ABR: variants seen among roughly 807,000 people sequenced by gnomAD.
The protein encoded by ABR is ABR activator of RhoGEF and GTPase.
Under a neutral mutation model 107.2 loss-of-function variants are expected in ABR, and 35 were observed. The ratio of observed to expected loss-of-function variants is 0.33; its 90% confidence interval spans 0.25 to 0.43. The LOEUF is 0.43. Ranked by LOEUF, ABR falls within the 20% of genes least tolerant of loss-of-function variation. The pLI, the probability that ABR is intolerant of heterozygous loss-of-function variation, is 1.00. For synonymous variants in ABR, 498 were observed against 462.0 expected (o/e 1.08, Z -1.00); for missense variants, 815 against 1,115.2 (o/e 0.73, Z 3.83).
chr17:1,110,614 C>T (rs565989808), intron 2 of ABR, among the ~76,000 whole-genome samples: 2 of 152,352 alleles, frequency 1.3e-5, no homozygotes, highest in African/African-American at 2.4e-5. Context: ...CACAGCCCCC[C>T]ACTCCCCCCA....
rs529986732 is a variant in ABR at position 1,051,843 on chromosome 17, G to C, written c.1562-1209C>G. Among the ~76,000 whole-genome samples, 1 of 152,334 alleles carries C rather than the reference G, an allele frequency of 6.6e-6. No homozygotes were observed. The highest frequency in any genetic ancestry group is 2.1e-4 in the South Asian group (1 of 4,834). ...AATCCCAGCACTTTGGGAGGCCAAG[G>C]TGGGCAGATCACCTGAGGTCAGGAG... is the stretch of plus-strand genomic sequence containing the variant. On this transcript the variant is annotated intron_variant, in intron 14 of 22. Coordinates refer to ENST00000302538, the MANE Select transcript of ABR (RefSeq NM_021962.5). The surrounding 1 kb of genome is among the most constrained non-coding windows in gnomAD (Gnocchi z 4.3).
At chr17:1,141,360 C>T (rs2040277100) in intron 1 of ABR, among the ~76,000 whole-genome samples, 1 of 152,178 alleles carries the variant, frequency 6.6e-6, no homozygotes, top group South Asian at 2.1e-4. Flanking sequence ...TGGAATCACA[C>T]TCGGGTTCCA....
rs143637330 is a variant in ABR at position 1,173,758 on chromosome 17, G to T, written c.61+5909C>A. ...CCTATGGAGGGCCTGTGCGGGAGCC[G>T]CTGTGGGAGGCGCTGCCTCAGAGCT... On this transcript the variant is annotated intron_variant, in intron 1 of 22. Coordinates refer to ENST00000302538, the MANE Select transcript of ABR (RefSeq NM_021962.5). Among the ~76,000 whole-genome samples the T allele has an allele frequency of 7.2e-3, 1,102 of 152,254 alleles. 7 individuals are homozygous for T. The highest frequency in any genetic ancestry group is 0.012 in the Non-Finnish European group (808 of 68,000).
In ABR at chr17:1,025,164, CG is replaced by C. The variant is rs1327101321; in HGVS notation, c.1792-12001del. On this transcript the variant is annotated intron_variant, in intron 16 of 22. Transcript: ENST00000302538. ...TACAAAACTTGGCCGGGCGTGGTGG[CG>C]GGCACCTGTAATCCCAGCTACTCAG... Among the ~76,000 whole-genome samples the C allele has an allele frequency of 3.4e-5, 5 of 145,298 alleles. No homozygotes were observed. The East Asian group carries it at 1.0e-3, about 30-fold the overall frequency.
Position 1,079,320 on chromosome 17 carries a change from C to T in ABR, c.700+10G>A, listed in dbSNP as rs1248526914. 1 of 1,612,780 alleles carries T rather than the reference C, an allele frequency of 6.2e-7. No individual in the cohort carries two copies. The highest frequency in any genetic ancestry group is 8.5e-7 in the Non-Finnish European group (1 of 1,179,384). Reference sequence around the variant, plus strand: ...TAGGTGCCTGTAATCCAGCCCGCTCCCCGAGGTACCTTCCATGGTGACAGA... The same window carrying T: ...TAGGTGCCTGTAATCCAGCCCGCTCTCCGAGGTACCTTCCATGGTGACAGA... On this transcript the variant is annotated intron_variant, in intron 6 of 22. Transcript: ENST00000302538.
At position 1,224,714 on chromosome 17, in the gene ABR, A is replaced by T. The variant is rs558642955; in HGVS notation, c.838+4079T>A. Among the ~76,000 whole-genome samples, 15 of 152,276 alleles carry T rather than the reference A, an allele frequency of 9.9e-5. No homozygotes were observed. In the South Asian group the frequency reaches 3.1e-3, roughly 32 times the overall value. On this transcript the variant is annotated intron_variant, in intron 1 of 22. Coordinates refer to the ABR transcript ENST00000574139. ...TTTAGAGACAGGGACTCGCTCTGTC[A>T]CCCAGGCTGGAGTGCAGTGGCACAA...
chr17:1,096,556 T>A lies in ABR; in HGVS notation c.345+4081A>T, dbSNP rs546772699. Among the ~76,000 whole-genome samples, 4 of 152,198 alleles carry A rather than the reference T, an allele frequency of 2.6e-5. No individual in the cohort carries two copies. The East Asian group carries it at 7.7e-4, about 29-fold the overall frequency. Reference sequence around the variant, plus strand: ...CTTCTGAGGCTGTGGCTGTGGAGGGTCCTACTCCTCTTCCTGAGCCCTCCT... The same window carrying A: ...CTTCTGAGGCTGTGGCTGTGGAGGGACCTACTCCTCTTCCTGAGCCCTCCT... On this transcript the variant is annotated intron_variant, in intron 3 of 22. Transcript: ENST00000302538.
intron 1 of ABR, among the ~76,000 whole-genome samples, chr17:1,218,838 T>C (rs1262845441): frequency 3.3e-5 from 5 of 152,184 alleles, no homozygotes; most frequent in Non-Finnish European, 2.9e-5. Context: ...AAAACTGCAG[T>C]GTACTTCTAG....
intron 14 of ABR, 117 bp downstream of exon 14, chr17:1,055,918 T>C (rs976568048): frequency 3.2e-6 from 3 of 950,142 alleles, no homozygotes; most frequent in Non-Finnish European, 5.0e-6. Flanking sequence ...GGAGCTGGTT[T>C]CTGGCCTCCA....
chr17:1,116,559 G>A (rs1305199425), intron 2 of ABR, among the ~76,000 whole-genome samples: 1 of 152,204 alleles, frequency 6.6e-6, no homozygotes, highest in African/African-American at 2.4e-5. Flanking sequence ...ACAGTATGCA[G>A]AGGTGAGCAA....
chr17:1,094,077 C>T (rs545471065), intron 3 of ABR, among the ~76,000 whole-genome samples: 5 of 151,950 alleles, frequency 3.3e-5, no homozygotes, highest in South Asian at 2.1e-4. Context: ...TGACCCTCAC[C>T]GTCCTAGAAC....
rs1250845604 is a variant in ABR at position 1,067,722 on chromosome 17, C to T, written c.1017-480G>A. On this transcript the variant is annotated intron_variant, in intron 9 of 22. Coordinates refer to ENST00000302538, the MANE Select transcript of ABR (RefSeq NM_021962.5). ...TGGGTGGAGGATTACAAAGCCACATCCAAGTCTAGCAAGAAAGTGTGCCCT... is the reference window on the plus strand; with the variant it reads ...TGGGTGGAGGATTACAAAGCCACATTCAAGTCTAGCAAGAAAGTGTGCCCT... Among the ~76,000 whole-genome samples the T allele has an allele frequency of 2.0e-5, 3 of 152,158 alleles. No homozygotes were observed. In the East Asian group the frequency reaches 5.8e-4, roughly 29 times the overall value.
chr17:1,103,961 C>T (rs1379299281), intron 2 of ABR, among the ~76,000 whole-genome samples: 1 of 152,098 alleles, frequency 6.6e-6, no homozygotes, highest in Non-Finnish European at 1.5e-5. Flanking sequence ...CTTTGCAGGG[C>T]GTCTCTTGTC....
At chr17:1,069,158 T>C (rs950174688) in intron 9 of ABR, among the ~76,000 whole-genome samples, 3 of 152,030 alleles carry the variant, frequency 2.0e-5, no homozygotes, top group Non-Finnish European at 2.9e-5. Flanking sequence ...GAGCCCCAAA[T>C]TGGGCATTCA....
chr17:1,219,773 T>A (rs921970219), intron 1 of ABR, among the ~76,000 whole-genome samples: 4 of 141,112 alleles, frequency 2.8e-5, no homozygotes, highest in Middle Eastern at 3.7e-3. Context: ...AATAAAATAA[T>A]TGATTTTTAA....
intron 16 of ABR, among the ~76,000 whole-genome samples, chr17:1,035,028 G>A (rs1389885277): frequency 6.6e-6 from 1 of 151,930 alleles, no homozygotes; most frequent in Non-Finnish European, 1.5e-5. Context: ...ATGGGTAGCC[G>A]AGTTGGGAGT....
intron 1 of ABR, among the ~76,000 whole-genome samples, chr17:1,177,412 A>G (rs1218705950): frequency 6.6e-6 from 1 of 152,170 alleles, no homozygotes; most frequent in Admixed American, 6.5e-5. Flanking sequence ...CCCAGAGGCC[A>G]GGGCAGCAGC....
rs573089741 is a variant in ABR at position 1,005,226 on chromosome 17, A to T, written c.*854T>A. On this transcript the variant is annotated 3_prime_UTR_variant, in exon 23 of 23. Transcript: ENST00000302538. ...GTGAGTCTTTACACTCAAAGGAAAT[A>T]GAACAGCAGGGAAGGGAACTGAAAA... The T allele has an allele frequency of 1.3e-5, 5 of 398,714 alleles. No homozygotes were observed. The South Asian group carries it at 6.4e-4, about 51-fold the overall frequency. The allele number at this position is 398,714 out of a possible 1,614,324, so 24.7% of individuals were successfully genotyped here.
intron 1 of ABR, among the ~76,000 whole-genome samples, chr17:1,136,383 C>T (rs1319915418): frequency 2.0e-5 from 3 of 152,206 alleles, no homozygotes; most frequent in Non-Finnish European, 4.4e-5. Flanking sequence ...TGTGCACCAC[C>T]AGGCCTGGCT....
Sources: gnomAD v4.1 joint callset for allele counts (sites outside exome capture counted in the v4.1 genomes callset) on GRCh38, gnomAD v4.1.1 for gene constraint, Gnocchi (gnomAD v3.1) non-coding constraint, MANE v1.5 for transcripts, NCBI Gene and HGNC (gene_info 2026-07-23, HGNC 2026-07-21) for gene names.